Variants in WNT7A observed in about 807,000 individuals in gnomAD.
WNT7A encodes Wnt family member 7A.
Under a neutral mutation model 28.2 loss-of-function variants are expected in WNT7A, and 16 were observed. That is an observed-to-expected ratio of 0.57 (90% CI 0.38 to 0.86). WNT7A has a LOEUF of 0.86. Ranked by LOEUF, WNT7A falls within the 40% of genes least tolerant of loss-of-function variation. The pLI is 0.00. For synonymous variants in WNT7A, 190 were observed against 195.9 expected (o/e 0.97, Z 0.25); for missense variants, 411 against 489.7 (o/e 0.84, Z 1.52).
At chr3:13,834,021 C>T (rs956279759) in intron 3 of WNT7A, among the ~76,000 whole-genome samples, 4 of 152,346 alleles carry the variant, frequency 2.6e-5, no homozygotes, top group African/African-American at 9.6e-5. Context: ...GGGCATAAGG[C>T]TGATACCAGC....
chr3:13,841,103 T>C (rs777271447), intron 3 of WNT7A, among the ~76,000 whole-genome samples: 1 of 152,232 alleles, frequency 6.6e-6, no homozygotes, highest in Non-Finnish European at 1.5e-5. Context: ...GGCTTAGAAA[T>C]GAACACAATC....
In WNT7A at chr3:13,823,368, G is replaced by C. The variant is rs185256192; in HGVS notation, c.571-3945C>G. ...GCTTCCCAGTGCCTGGCATACAGCC[G>C]GTGCGCAGAAAATGCCAGAAGGTAA... On this transcript the variant is annotated intron_variant, in intron 3 of 3. Coordinates refer to ENST00000285018, the MANE Select transcript of WNT7A (RefSeq NM_004625.4). Among the ~76,000 whole-genome samples the C allele has an allele frequency of 7.9e-4, 121 of 152,278 alleles. 1 individual carries two copies. Among genetic ancestry groups the C allele is most frequent in the African/African-American group, 2.8e-3 (115 of 41,538 alleles).
rs1246411957 is a variant in WNT7A, at chr3:13,868,588, G to GAA, written c.298+6358_298+6359insTT. ...AGAGAGAGAGAGAGAGAGAGAGAGAGAGGGAGAAAGAAAGAAAGAAAGAGA... is the reference window on the plus strand; with the variant it reads ...AGAGAGAGAGAGAGAGAGAGAGAGAGAAAGGGAGAAAGAAAGAAAGAAAGAGA... On this transcript the variant is annotated intron_variant, in intron 2 of 3. Coordinates refer to ENST00000285018, the MANE Select transcript of WNT7A (RefSeq NM_004625.4). Among the ~76,000 whole-genome samples, 42 of 14,016 alleles carry GAA rather than the reference G, an allele frequency of 3.0e-3. 6 individuals are homozygous for GAA. The highest frequency in any genetic ancestry group is 0.012 in the African/African-American group (32 of 2,702). 9.2% of individuals were successfully genotyped at this position (14,016 alleles called of 152,430 possible).
chr3:13,851,854 C>T (rs1214572422), intron 3 of WNT7A, among the ~76,000 whole-genome samples: 1 of 152,184 alleles, frequency 6.6e-6, no homozygotes, highest in African/African-American at 2.4e-5. Context: ...CCTGAGCGGC[C>T]ACTGATTTCA....
chr3:13,869,459 CAG>C (rs1008322770), intron 2 of WNT7A, among the ~76,000 whole-genome samples: 1 of 111,434 alleles, frequency 9.0e-6, no homozygotes, highest in Non-Finnish European at 1.8e-5. Context: ...GAAAGAAAGA[CAG>C]AAAGAAAGAA....
At chr3:13,846,500 C>T (rs919853358) in intron 3 of WNT7A, among the ~76,000 whole-genome samples, 8 of 152,136 alleles carry the variant, frequency 5.3e-5, no homozygotes, top group African/African-American at 1.4e-4. Flanking sequence ...ATTTGTAAAA[C>T]GGAGAGAACA....
At position 13,875,313 on chromosome 3, in the gene WNT7A, C is replaced by T. The variant is rs1372607231; in HGVS notation, c.72-140G>A. 54 of 757,378 alleles carry T rather than the reference C, an allele frequency of 7.1e-5. 1 individual carries two copies. Among genetic ancestry groups the T allele is most frequent in the Non-Finnish European group, 1.1e-4 (50 of 442,706 alleles). The allele number at this position is 757,378 out of a possible 1,614,324, so 46.9% of individuals were successfully genotyped here. ...AACTTTTTTGATCCTGCACCCCTAA[C>T]TCATGTCCATTCGAATAGAAACCCT... is the stretch of plus-strand genomic sequence containing the variant. On this transcript the variant is annotated intron_variant, in intron 1 of 3. Transcript: ENST00000285018.
At chr3:13,868,577 A>G (rs1694949230) in intron 2 of WNT7A, among the ~76,000 whole-genome samples, 1 of 22,378 alleles carries the variant, frequency 4.5e-5, no homozygotes, top group Non-Finnish European at 7.4e-5. Flanking sequence ...AGAGAGAGAG[A>G]GAGAGAGAGA....
At chr3:13,845,131 A>G (rs570258110) in intron 3 of WNT7A, among the ~76,000 whole-genome samples, 262 of 152,344 alleles carry the variant, frequency 1.7e-3, no homozygotes, top group African/African-American at 5.9e-3. Flanking sequence ...CTGCAAGGCC[A>G]GCAGCCACAC....
intron 2 of WNT7A, among the ~76,000 whole-genome samples, chr3:13,867,963 C>T (rs1228552428): frequency 2.0e-5 from 3 of 152,132 alleles, no homozygotes; most frequent in Non-Finnish European, 4.4e-5. Flanking sequence ...GTGCTTCCAG[C>T]GGGGGAGGAG....
chr3:13,856,695 G>C (rs535850885), intron 2 of WNT7A, among the ~76,000 whole-genome samples: 1 of 152,058 alleles, frequency 6.6e-6, no homozygotes, highest in Non-Finnish European at 1.5e-5. Flanking sequence ...ACACATGCTT[G>C]TAATCCCAGC....
At chr3:13,878,207 G>A (rs538179012) in intron 1 of WNT7A, among the ~76,000 whole-genome samples, 17 of 152,032 alleles carry the variant, frequency 1.1e-4, no homozygotes, top group Non-Finnish European at 1.5e-4. Flanking sequence ...GCCCGCGGGC[G>A]GGCGGGGCGG....
intron 2 of WNT7A, among the ~76,000 whole-genome samples, chr3:13,865,603 C>T (rs6442416): frequency 0.61 from 92,392 of 152,128 alleles, 29,099 homozygotes; most frequent in East Asian, 0.93. Flanking sequence ...CCGTCACTCA[C>T]GCAACAGAGA....
chr3:13,852,516 C>T (rs1384065700), intron 3 of WNT7A, among the ~76,000 whole-genome samples: 5 of 152,202 alleles, frequency 3.3e-5, no homozygotes, highest in Non-Finnish European at 1.5e-5. Context: ...CCGGTCGGAA[C>T]AAGGAGTGGG....
intron 1 of WNT7A, among the ~76,000 whole-genome samples, chr3:13,877,459 A>C (rs9832711): frequency 0.8 from 121,695 of 152,216 alleles, 49,231 homozygotes; most frequent in East Asian, 1. Flanking sequence ...ATCATTTGTC[A>C]GGAGGACCCT....
At chr3:13,834,804 C>A (rs373974480) in intron 3 of WNT7A, among the ~76,000 whole-genome samples, 1 of 152,184 alleles carries the variant, frequency 6.6e-6, no homozygotes, top group Non-Finnish European at 1.5e-5. Context: ...CCCTAGCTTG[C>A]GTCAAATGTG....
chr3:13,822,704 T>C (rs1694132529), intron 3 of WNT7A, among the ~76,000 whole-genome samples: 1 of 152,266 alleles, frequency 6.6e-6, no homozygotes, highest in Admixed American at 6.5e-5. Flanking sequence ...GTGGTGACAC[T>C]GTATGGCATG....
At chr3:13,826,948 C>A (rs1354713810) in intron 3 of WNT7A, among the ~76,000 whole-genome samples, 1 of 152,144 alleles carries the variant, frequency 6.6e-6, no homozygotes, top group Admixed American at 6.5e-5. Context: ...TATGCCTCAG[C>A]AGATGGAAAG....
intron 2 of WNT7A, among the ~76,000 whole-genome samples, chr3:13,865,812 G>A (rs546893401): frequency 2.0e-4 from 31 of 152,110 alleles, no homozygotes; most frequent in African/African-American, 6.3e-4. Flanking sequence ...ACATGCTGGC[G>A]GTCTGGGGAG....
Sources: gnomAD v4.1 joint callset for allele counts (sites outside exome capture counted in the v4.1 genomes callset) on GRCh38, gnomAD v4.1.1 for gene constraint, MANE v1.5 for transcripts, NCBI Gene and HGNC (gene_info 2026-07-23, HGNC 2026-07-21) for gene names.